Variants in UBR7 observed in about 807,000 individuals in gnomAD.
UBR7 encodes ubiquitin protein ligase E3 component n-recognin 7, also known as putative E3 ubiquitin-protein ligase UBR7.
In UBR7, 22 loss-of-function variants were observed where a neutral mutation model predicts 57.0. The observed-to-expected ratio is 0.39, with a 90% CI of 0.28 to 0.55. The LOEUF (loss-of-function observed/expected upper bound fraction) is 0.55. Among genes scored for constraint, UBR7 ranks in the 20% least tolerant of loss-of-function variants. UBR7 has a pLI of 0.69. For synonymous variants in UBR7, 167 were observed against 179.8 expected (o/e 0.93, Z 0.57); for missense variants, 395 against 513.2 (o/e 0.77, Z 2.23).
At position 93,227,429 on chromosome 14, in the gene UBR7, C is replaced by T. The variant is rs117470750; in HGVS notation, c.*394C>T. The T allele has an allele frequency of 2.5e-3, 1,653 of 674,218 alleles. 20 individuals carry two copies. Among genetic ancestry groups the T allele is most frequent in the East Asian group, 0.021 (718 of 34,944 alleles). 41.8% of individuals were successfully genotyped at this position (674,218 alleles called of 1,614,324 possible). On this transcript the variant is annotated 3_prime_UTR_variant, in exon 11 of 11. Coordinates refer to ENST00000013070, the MANE Select transcript of UBR7 (RefSeq NM_175748.4). ...TCCAGAACCTCCTCCGCAGGCATCA[C>T]GGAAGGCTCTCTTCCCGTCACCTAG...
Position 93,222,344 on chromosome 14 carries a change from C to T in UBR7, c.1155C>T (p.Asp385=). The change falls in exon 10 of 11, where the codon GAC becomes GAT. Residue 385 remains aspartate, a synonymous_variant. Coordinates refer to ENST00000013070, the MANE Select transcript of UBR7 (RefSeq NM_175748.4). ...EYNDLKTELK[D]YLKRFADEGT... Reference sequence around the variant, plus strand: ...ATGATTTGAAGACTGAACTTAAAGACTATCTCAAGAGATTTGCTGATGAAG... The same window carrying T: ...ATGATTTGAAGACTGAACTTAAAGATTATCTCAAGAGATTTGCTGATGAAG... The T allele has an allele frequency of 1.2e-6, 2 of 1,609,750 alleles. No homozygotes were observed. The highest frequency in any genetic ancestry group is 3.3e-5 in the Admixed American group (2 of 60,020).
At chr14:93,217,244 C>T (rs992228850) in intron 6 of UBR7, among the ~76,000 whole-genome samples, 1 of 152,204 alleles carries the variant, frequency 6.6e-6, no homozygotes, top group Non-Finnish European at 1.5e-5. Context: ...CCAGGCTGGT[C>T]TCGAACTCCT....
In UBR7 at chr14:93,227,574, G is replaced by A. The variant is rs1285874201; in HGVS notation, c.*539G>A. The A allele has an allele frequency of 8.6e-6, 6 of 699,890 alleles. No homozygotes were observed. The highest frequency in any genetic ancestry group is 1.6e-5 in the Non-Finnish European group (6 of 384,754). The allele number at this position is 699,890 out of a possible 1,614,324, so 43.4% of individuals were successfully genotyped here. On this transcript the variant is annotated 3_prime_UTR_variant, in exon 11 of 11. Transcript: ENST00000013070. ...TGAGGTTTGGTCATAGCTTAGAAAG[G>A]ATCTTGGGGCTTGTTTTCTCTAGGC...
chr14:93,221,084 C>T (rs1894696379), intron 9 of UBR7, among the ~76,000 whole-genome samples: 1 of 150,182 alleles, frequency 6.7e-6, no homozygotes, highest in African/African-American at 2.5e-5. Context: ...TAGCTGTGAC[C>T]ACAGACGCAT....
intron 6 of UBR7, among the ~76,000 whole-genome samples, chr14:93,216,894 G>T (rs1359534505): frequency 1.3e-5 from 2 of 152,106 alleles, no homozygotes; most frequent in Non-Finnish European, 2.9e-5. Context: ...GGGATTACAG[G>T]CATGAGCCAC....
Position 93,227,971 on chromosome 14 carries a change from GTTA to G in UBR7, c.*940_*942del, listed in dbSNP as rs901682935. ...TATTTTGATATTCTGTTATGAAAAT[GTTA>G]TTAGAACCCCAATAAATTATTATTT... is the stretch of plus-strand genomic sequence containing the variant. On this transcript the variant is annotated 3_prime_UTR_variant, in exon 11 of 11. Coordinates refer to ENST00000013070, the MANE Select transcript of UBR7 (RefSeq NM_175748.4). 8 of 699,918 alleles carry G rather than the reference GTTA, an allele frequency of 1.1e-5. No individual in the cohort carries two copies. The highest frequency in any genetic ancestry group is 1.1e-4 in the African/African-American group (6 of 57,122). 43.4% of individuals were successfully genotyped at this position (699,918 alleles called of 1,614,324 possible). A position where few individuals can be genotyped will look rare whatever the true frequency, so the allele number is the denominator to read the frequency against.
chr14:93,218,630 C>T lies in UBR7; in HGVS notation c.705C>T (p.Thr235=). Residue 235 remains threonine (T), a synonymous_variant, in exon 7 of 11, where the codon ACC becomes ACT. Coordinates refer to ENST00000013070, the MANE Select transcript of UBR7 (RefSeq NM_175748.4). ...KPENGEHQDS[T]LKEDVPEQGK... is the part of the protein sequence containing the mutation. ...AAAATGGAGAGCATCAAGATAGTACCCTCAAAGAGGATGTTCCAGAACAGG... is the reference window on the plus strand; with the variant it reads ...AAAATGGAGAGCATCAAGATAGTACTCTCAAAGAGGATGTTCCAGAACAGG... 5.0e-6 allele frequency: 8 copies of T among 1,613,978 alleles called. No homozygotes were observed. The highest frequency in any genetic ancestry group is 6.8e-6 in the Non-Finnish European group (8 of 1,179,996).
intron 3 of UBR7, among the ~76,000 whole-genome samples, chr14:93,211,540 C>T (rs557017714): frequency 5.3e-4 from 80 of 151,460 alleles, no homozygotes; most frequent in African/African-American, 1.8e-3. Context: ...GAGCGAGACT[C>T]CATCTCAAAA....
intron 5 of UBR7, 86 bp from the exon 6 acceptor site, chr14:93,215,090 G>T: frequency 7.1e-7 from 1 of 1,404,758 alleles, no homozygotes. Context: ...GATATGATCA[G>T]TGTATTATTA....
intron 7 of UBR7, among the ~76,000 whole-genome samples, chr14:93,218,986 C>T (rs575322945): frequency 7.9e-5 from 12 of 151,374 alleles, no homozygotes; most frequent in Middle Eastern, 3.4e-3. Flanking sequence ...ACCCAGGAGG[C>T]GGAGGTTACA....
At chr14:93,226,468 G>A (rs1281791035) in intron 10 of UBR7, among the ~76,000 whole-genome samples, 1 of 149,292 alleles carries the variant, frequency 6.7e-6, no homozygotes, top group African/African-American at 2.5e-5. Flanking sequence ...AATATAGTGA[G>A]ACCTCGTATC....
At position 93,229,154 on chromosome 14, in the gene UBR7, A is replaced by C; in HGVS notation, c.*2119A>C. On this transcript the variant is annotated 3_prime_UTR_variant, in exon 11 of 11. Coordinates refer to ENST00000013070, the MANE Select transcript of UBR7 (RefSeq NM_175748.4). ...TTTTGTAGAAATTGTTACTGGACTT[A>C]TAATTACATACTTAACTCTGATCAG... is the stretch of plus-strand genomic sequence containing the variant. The C allele has an allele frequency of 2.9e-6, 1 of 347,820 alleles. No homozygotes were observed. The highest frequency in any genetic ancestry group is 2.3e-5 in the South Asian group (1 of 44,258). The allele number at this position is 347,820 out of a possible 1,614,324, so 21.5% of individuals were successfully genotyped here.
rs1894892840 is a variant in UBR7, at chr14:93,227,843, A to G, written c.*808A>G. Reference sequence around the variant, plus strand: ...CTAGTCCCTTCTCTGCTGCCTAGAAAACAGACCGGGTCTCACCCCTGTGAA... The same window carrying G: ...CTAGTCCCTTCTCTGCTGCCTAGAAGACAGACCGGGTCTCACCCCTGTGAA... On this transcript the variant is annotated 3_prime_UTR_variant, in exon 11 of 11. Transcript: ENST00000013070. 1.4e-6 allele frequency: 1 copy of G among 700,666 alleles called. No individual in the cohort carries two copies. Among genetic ancestry groups the G allele is most frequent in the Non-Finnish European group, 2.6e-6 (1 of 384,828 alleles). 43.4% of individuals were successfully genotyped at this position (700,666 alleles called of 1,614,324 possible).
At chr14:93,214,286 G>A (rs537225498) in intron 4 of UBR7, among the ~76,000 whole-genome samples, 2 of 152,320 alleles carry the variant, frequency 1.3e-5, no homozygotes, top group African/African-American at 2.4e-5. Context: ...TCCACAATAT[G>A]TGCTTTTTTA....
At chr14:93,222,496 G>A in intron 10 of UBR7, 122 bp downstream of exon 10, 1 of 770,634 alleles carries the variant, frequency 1.3e-6, no homozygotes, top group South Asian at 1.4e-5. Context: ...TGTAATCCCA[G>A]TACTTTGGGA....
At chr14:93,216,801 G>C (rs937613954) in intron 6 of UBR7, among the ~76,000 whole-genome samples, 1 of 151,876 alleles carries the variant, frequency 6.6e-6, no homozygotes, top group Non-Finnish European at 1.5e-5. Context: ...TTTTAGTAGA[G>C]ACAAGGCTTT....
At chr14:93,222,031 G>T (rs2140106167) in intron 9 of UBR7, among the ~76,000 whole-genome samples, 1 of 151,858 alleles carries the variant, frequency 6.6e-6, no homozygotes, top group Non-Finnish European at 1.5e-5. Context: ...AGAGAAATAG[G>T]AAGCCCTTTT....
chr14:93,210,574 T>C, intron 2 of UBR7, 74 bp from the exon 3 acceptor site: 1 of 1,325,890 alleles, frequency 7.5e-7, no homozygotes, highest in Non-Finnish European at 1.1e-6. Flanking sequence ...TACTATGTGC[T>C]TGAATGCTTG....
intron 10 of UBR7, among the ~76,000 whole-genome samples, chr14:93,225,842 T>A (rs1472699106): frequency 3.3e-5 from 5 of 152,218 alleles, no homozygotes; most frequent in Non-Finnish European, 7.3e-5. Context: ...TTGCTAGAGA[T>A]ATTTCCTTTT....
Sources: gnomAD v4.1 joint callset for allele counts (sites outside exome capture counted in the v4.1 genomes callset) on GRCh38, gnomAD v4.1.1 for gene constraint, MANE v1.5 for transcripts, NCBI Gene and HGNC (gene_info 2026-07-23, HGNC 2026-07-21) for gene names.